TSPAN18: variants seen among roughly 807,000 people sequenced by gnomAD.
TSPAN18 encodes the protein tetraspanin-18.
In TSPAN18, 14 loss-of-function variants were observed where a neutral mutation model predicts 27.3. The observed-to-expected ratio is 0.51, with a 90% CI of 0.34 to 0.80. TSPAN18 has a LOEUF of 0.80. Among genes scored for constraint, TSPAN18 ranks in the 30% least tolerant of loss-of-function variants. The probability of loss-of-function intolerance (pLI) is 0.01; values close to 1 mark genes in which losing one functional copy is unlikely to be tolerated. For missense variants in TSPAN18, 268 were observed against 323.9 expected, an observed-to-expected ratio of 0.83 and a Z score of 1.32; for synonymous variants, 143 against 136.5, an observed-to-expected ratio of 1.05 and a Z score of -0.33.
In TSPAN18 at chr11:44,926,575, T is replaced by A. The variant is rs1860363370; in HGVS notation, c.616-99T>A. ...AGCAGCCGTGTGATAGGGTGAGAGCTCTGGGGACACCTGCCATGAACCCTA... is the reference window on the plus strand; with the variant it reads ...AGCAGCCGTGTGATAGGGTGAGAGCACTGGGGACACCTGCCATGAACCCTA... On this transcript the variant is annotated intron_variant, in intron 8 of 9. Transcript: ENST00000520358. 3.3e-5 allele frequency: 36 copies of A among 1,099,412 alleles called. No individual in the cohort carries two copies. In the South Asian group the frequency reaches 4.6e-4, roughly 14 times the overall value. 68.1% of individuals were successfully genotyped at this position (1,099,412 alleles called of 1,614,324 possible).
chr11:44,805,261 T>C (rs557048048), intron 2 of TSPAN18, among the ~76,000 whole-genome samples: 1 of 152,348 alleles, frequency 6.6e-6, no homozygotes, highest in African/African-American at 2.4e-5. Context: ...TGCGTGCATC[T>C]GTGTGCATCT....
intron 1 of TSPAN18, among the ~76,000 whole-genome samples, chr11:44,747,730 C>A (rs1042997373): frequency 6.6e-6 from 1 of 152,162 alleles, no homozygotes. Flanking sequence ...TTCCTCACTC[C>A]TGCACTCATC....
chr11:44,888,670 G>T (rs1858742201), intron 3 of TSPAN18, among the ~76,000 whole-genome samples: 1 of 152,170 alleles, frequency 6.6e-6, no homozygotes, highest in Non-Finnish European at 1.5e-5. Flanking sequence ...ACACCATTCA[G>T]CTCTGATTTT....
chr11:44,913,206 G>A (rs1376770335), intron 5 of TSPAN18, among the ~76,000 whole-genome samples: 1 of 152,192 alleles, frequency 6.6e-6, no homozygotes, highest in Non-Finnish European at 1.5e-5. Flanking sequence ...ACTTTAGTCA[G>A]CCCAGGAAAC....
intron 3 of TSPAN18, among the ~76,000 whole-genome samples, chr11:44,897,252 T>G (rs556595219): frequency 1.0e-3 from 152 of 152,276 alleles, no homozygotes; most frequent in Non-Finnish European, 1.9e-3. Context: ...AGGAACCTTC[T>G]CACAAATCCT....
intron 2 of TSPAN18, among the ~76,000 whole-genome samples, chr11:44,839,944 G>A (rs976688069): frequency 6.6e-6 from 1 of 152,164 alleles, no homozygotes; most frequent in Non-Finnish European, 1.5e-5. Flanking sequence ...CCACACCCAG[G>A]GTGGGTGGCT....
chr11:44,737,041 G>A (rs1260102839), intron 1 of TSPAN18, among the ~76,000 whole-genome samples: 1 of 152,222 alleles, frequency 6.6e-6, no homozygotes, highest in Non-Finnish European at 1.5e-5. Flanking sequence ...GGGTTGAACA[G>A]ATGCTCACAT....
At chr11:44,903,536 C>A (rs1453446793) in intron 3 of TSPAN18, 2 of 456,286 alleles carry the variant, frequency 4.4e-6, no homozygotes, top group Admixed American at 4.7e-5. Context: ...CTCCTTCTGG[C>A]AGCAGGGAAG....
intron 3 of TSPAN18, among the ~76,000 whole-genome samples, chr11:44,862,943 G>A (rs551607641): frequency 6.6e-6 from 1 of 152,248 alleles, no homozygotes; most frequent in South Asian, 2.1e-4. Flanking sequence ...CTCCTGGAGT[G>A]TGCACCTGTT....
At chr11:44,760,972 G>C (rs1285902951) in intron 1 of TSPAN18, among the ~76,000 whole-genome samples, 1 of 151,878 alleles carries the variant, frequency 6.6e-6, no homozygotes, top group Admixed American at 6.6e-5. Flanking sequence ...CGTGTGCCAG[G>C]CTCTCTGCTA....
intron 2 of TSPAN18, among the ~76,000 whole-genome samples, chr11:44,855,897 T>C (rs1008556635): frequency 5.3e-5 from 8 of 151,906 alleles, no homozygotes. Context: ...TTTTTGTTGT[T>C]GTTGAGACAG....
intron 2 of TSPAN18, among the ~76,000 whole-genome samples, chr11:44,782,990 G>A (rs1360233827): frequency 6.6e-6 from 1 of 151,986 alleles, no homozygotes; most frequent in African/African-American, 2.4e-5. Flanking sequence ...CACCATGCCT[G>A]GCTAATTTTT....
At chr11:44,884,907 C>G (rs1224176358) in intron 3 of TSPAN18, among the ~76,000 whole-genome samples, 1 of 152,144 alleles carries the variant, frequency 6.6e-6, no homozygotes, top group African/African-American at 2.4e-5. Flanking sequence ...CTGCATTAGC[C>G]CAAAGTCACT....
At chr11:44,904,997 T>G (rs907466513) in intron 3 of TSPAN18, among the ~76,000 whole-genome samples, 1 of 152,118 alleles carries the variant, frequency 6.6e-6, no homozygotes, top group African/African-American at 2.4e-5. Context: ...CGAGATAATA[T>G]GCGCAAAACC....
rs146264748 is a variant in TSPAN18 at position 44,901,905 on chromosome 11, G to C, written c.-10-4502G>C. Among the ~76,000 whole-genome samples, 259 of 152,352 alleles carry C rather than the reference G, an allele frequency of 1.7e-3. 2 individuals are homozygous for C. Among genetic ancestry groups the C allele is most frequent in the African/African-American group, 6.1e-3 (253 of 41,582 alleles). ...ATAGTACGTCCTGCTTTAGGGGCTT[G>C]TTGAGAGATTAAAGGCAGTCAGTTC... is the stretch of plus-strand genomic sequence containing the variant. On this transcript the variant is annotated intron_variant, in intron 3 of 9. Transcript: ENST00000520358.
chr11:44,837,593 A>G (rs1344352046), intron 2 of TSPAN18, among the ~76,000 whole-genome samples: 1 of 152,224 alleles, frequency 6.6e-6, no homozygotes, highest in African/African-American at 2.4e-5. Context: ...ATCCTATCAA[A>G]CAGCATGATA....
Position 44,831,378 on chromosome 11 carries a change from A to ATG in TSPAN18, c.-152-28948_-152-28947dup, listed in dbSNP as rs148843563. Among the ~76,000 whole-genome samples the ATG allele has an allele frequency of 5.8e-3, 883 of 152,308 alleles. 5 individuals carry two copies. Among genetic ancestry groups the ATG allele is most frequent in the African/African-American group, 0.02 (837 of 41,570 alleles). ...GACAAAAGATGTGGCCCCAAAAAAG[A>ATG]TGTCAAGATGTTGCAGTGCACTAGA... On this transcript the variant is annotated intron_variant, in intron 2 of 9. Coordinates refer to ENST00000520358, the MANE Select transcript of TSPAN18 (RefSeq NM_130783.5).
chr11:44,801,692 T>C (rs1565155705), intron 2 of TSPAN18, among the ~76,000 whole-genome samples: 1 of 152,240 alleles, frequency 6.6e-6, no homozygotes, highest in Non-Finnish European at 1.5e-5. Flanking sequence ...GAGGAGTTAC[T>C]AGCCTTTTCA....
upstream of TSPAN18, chr11:44,726,919 A>AGGGCGGGGGGGGGGAGGGG (rs1241743756): frequency 9.4e-5 from 1 of 10,694 alleles, no homozygotes; most frequent in African/African-American, 2.5e-4. Context: ...GAGGGGAGGG[A>AGGGCGGGGGGGGGGAGGGG]CGGACGGCGG....
Sources: allele counts gnomAD v4.1 joint callset (sites outside exome capture counted in the v4.1 genomes callset), GRCh38; gene constraint gnomAD v4.1.1; transcripts MANE v1.5; gene names NCBI Gene and HGNC (gene_info 2026-07-23, HGNC 2026-07-21).